The following FBN2 variants were observed in gnomAD, a reference collection of about 807,000 sequenced individuals.
FBN2 encodes fibrillin 2.
Under a neutral mutation model 355.6 loss-of-function variants are expected in FBN2, and 105 were observed. The ratio of observed to expected loss-of-function variants is 0.30; its 90% confidence interval spans 0.25 to 0.35. The LOEUF is 0.35. Ranked by LOEUF, FBN2 falls within the 10% of genes least tolerant of loss-of-function variation. The pLI is 1.00. For synonymous variants in FBN2, 1,350 were observed against 1,301.2 expected, an observed-to-expected ratio of 1.04 and a Z score of -0.81; for missense variants, 3,280 against 3,758.7, an observed-to-expected ratio of 0.87 and a Z score of 3.33.
At chr5:128,449,151 GCAA>G (rs1257803102) in intron 6 of FBN2, among the ~76,000 whole-genome samples, 1 of 150,746 alleles carries the variant, frequency 6.6e-6, no homozygotes, top group Non-Finnish European at 1.5e-5. Flanking sequence ...ATTTTTCCAA[GCAA>G]CAACAACAAT....
intron 62 of FBN2, among the ~76,000 whole-genome samples, chr5:128,268,122 C>T (rs1408585112): frequency 6.6e-6 from 1 of 151,882 alleles, no homozygotes; most frequent in African/African-American, 2.4e-5. Flanking sequence ...TAACAAAATA[C>T]ACCACTAGCT....
chr5:128,273,792 T>C, intron 61 of FBN2, 48 bp downstream of exon 61: 5 of 1,576,764 alleles, frequency 3.2e-6, no homozygotes, highest in Non-Finnish European at 4.4e-6. Flanking sequence ...TAAAAATATA[T>C]ATGGTTTACT....
intron 6 of FBN2, among the ~76,000 whole-genome samples, chr5:128,449,910 C>T (rs758387059): frequency 9.2e-5 from 14 of 151,966 alleles, no homozygotes; most frequent in African/African-American, 1.7e-4. Flanking sequence ...GTACTCATCA[C>T]GACAAGTAAT....
Position 128,377,887 on chromosome 5 carries a change from T to C in FBN2, c.1724-10A>G, listed in dbSNP as rs1353942525. On this transcript the variant is annotated splice_polypyrimidine_tract_variant and intron_variant, in intron 12 of 64. Transcript: ENST00000262464. The stretch of plus-strand genomic sequence containing the variant: ...ATGCACTCATCAATATCTAGGAAGA[T>C]TGAGAATGGCCAAACATCATTCTTT... The C allele has an allele frequency of 2.5e-6, 4 of 1,611,970 alleles. No homozygotes were observed. Among genetic ancestry groups the C allele is most frequent in the East Asian group, 2.2e-5 (1 of 44,864 alleles).
intron 36 of FBN2, among the ~76,000 whole-genome samples, chr5:128,314,392 C>T (rs1407169163): frequency 2.0e-5 from 3 of 150,686 alleles, no homozygotes; most frequent in Non-Finnish European, 3.0e-5. Flanking sequence ...GTGGCACTAT[C>T]TCGGCCCACT....
chr5:128,418,884 A>C, intron 7 of FBN2, among the ~76,000 whole-genome samples: 1 of 152,148 alleles, frequency 6.6e-6, no homozygotes, highest in Non-Finnish European at 1.5e-5. Context: ...TCTGCAAAAA[A>C]GCAAGCTTCA....
At chr5:128,428,172 A>T (rs1419000539) in intron 7 of FBN2, among the ~76,000 whole-genome samples, 1 of 152,160 alleles carries the variant, frequency 6.6e-6, no homozygotes, top group Non-Finnish European at 1.5e-5. Context: ...AGATTATTGC[A>T]GGAGCCTCCC....
intron 30 of FBN2, 22 bp downstream of exon 30, chr5:128,335,148 T>C (rs1191187048): frequency 1.9e-6 from 3 of 1,614,090 alleles, no homozygotes; most frequent in African/African-American, 1.3e-5. Context: ...TATAAATGTT[T>C]ATCCTTTCTT....
intron 48 of FBN2, among the ~76,000 whole-genome samples, chr5:128,296,053 T>C (rs1330248151): frequency 1.3e-5 from 2 of 152,218 alleles, no homozygotes; most frequent in African/African-American, 4.8e-5. Flanking sequence ...TGAAGCACTG[T>C]TGAATTTTGT....
chr5:128,377,428 C>T (rs181891978), intron 13 of FBN2, among the ~76,000 whole-genome samples: 5 of 152,038 alleles, frequency 3.3e-5, no homozygotes, highest in Admixed American at 2.0e-4. Flanking sequence ...AATACAGTAG[C>T]GGTCAGTAAT....
chr5:128,464,925 G>A lies in FBN2; in HGVS notation c.629-4C>T. On this transcript the variant is annotated splice_polypyrimidine_tract_variant and splice_region_variant and intron_variant, in intron 5 of 64. Transcript: ENST00000262464. ...AAACACGGGCCTGTCCTGTAATCTG[G>A]AATGTGGGAGAAGAAAGAAAGACAG... 1 of 1,613,960 alleles carries A rather than the reference G, an allele frequency of 6.2e-7. No individual in the cohort carries two copies. Among genetic ancestry groups the A allele is most frequent in the Non-Finnish European group, 8.5e-7 (1 of 1,179,792 alleles).
intron 4 of FBN2, among the ~76,000 whole-genome samples, chr5:128,526,947 T>C (rs1756576199): frequency 6.6e-6 from 1 of 152,174 alleles, no homozygotes; most frequent in Non-Finnish European, 1.5e-5. Flanking sequence ...AAAATAATGT[T>C]AACTGAAAAC....
intron 11 of FBN2, among the ~76,000 whole-genome samples, chr5:128,383,396 ACCTT>A (rs1215526164): frequency 6.6e-6 from 1 of 152,092 alleles, no homozygotes; most frequent in Middle Eastern, 3.2e-3. Context: ...AACCCTTGTG[ACCTT>A]ACATTTGGCA....
At chr5:128,271,199 A>C (rs1054720695) in intron 62 of FBN2, among the ~76,000 whole-genome samples, 2 of 152,210 alleles carry the variant, frequency 1.3e-5, no homozygotes, top group Admixed American at 1.3e-4. Flanking sequence ...AAGTAATTTG[A>C]ATTACTACAC....
chr5:128,522,401 C>T (rs1277930401), intron 4 of FBN2, among the ~76,000 whole-genome samples: 1 of 152,174 alleles, frequency 6.6e-6, no homozygotes, highest in Non-Finnish European at 1.5e-5. Flanking sequence ...CTCACCACAC[C>T]ACCTCTCTGA....
Position 128,289,299 on chromosome 5 carries a change from C to A in FBN2, c.6512-47G>T, listed in dbSNP as rs1161843363. 2.5e-6 allele frequency: 4 copies of A among 1,606,702 alleles called. No individual in the cohort carries two copies. In the Admixed American group the frequency reaches 6.7e-5, roughly 27 times the overall value. On this transcript the variant is annotated intron_variant, in intron 51 of 64. Transcript: ENST00000262464. ...GAATTTCCTCATATAAAAAGATATG[C>A]CGGCCAGGCGCAGTGGCTCATGCTT...
intron 11 of FBN2, among the ~76,000 whole-genome samples, chr5:128,384,266 G>C (rs1431635974): frequency 6.6e-6 from 1 of 152,010 alleles, no homozygotes; most frequent in Non-Finnish European, 1.5e-5. Context: ...ATCAGGGATT[G>C]CCTGGGGACA....
intron 7 of FBN2, among the ~76,000 whole-genome samples, chr5:128,425,102 A>G (rs1353101830): frequency 6.7e-6 from 1 of 148,826 alleles, no homozygotes; most frequent in Non-Finnish European, 1.5e-5. Context: ...ACCTTTTGTT[A>G]GTCCAAATTT....
At chr5:128,531,115 C>T (rs1014692604) in intron 2 of FBN2, among the ~76,000 whole-genome samples, 1 of 151,962 alleles carries the variant, frequency 6.6e-6, no homozygotes, top group African/African-American at 2.4e-5. Context: ...CCCAAATGCC[C>T]TTCAATCAAC....
Sources: allele counts gnomAD v4.1 joint callset (sites outside exome capture counted in the v4.1 genomes callset), GRCh38; gene constraint gnomAD v4.1.1; transcripts MANE v1.5; gene names NCBI Gene and HGNC (gene_info 2026-07-23, HGNC 2026-07-21).